RIDA: variants seen among roughly 807,000 people sequenced by gnomAD.
The protein encoded by RIDA is 2-iminobutanoate/2-iminopropanoate deaminase.
In RIDA, 17 loss-of-function variants were observed where a neutral mutation model predicts 17.8. The observed-to-expected ratio is 0.96, with a 90% CI of 0.65 to 1.43. The LOEUF (loss-of-function observed/expected upper bound fraction) is 1.43, where lower values mean the gene tolerates loss of function less well. RIDA is among the 40% of genes most tolerant of loss of function. The pLI is 0.00. For missense variants in RIDA, 158 were observed against 161.7 expected, an observed-to-expected ratio of 0.98 and a Z score of 0.12; for synonymous variants, 48 against 55.7, an observed-to-expected ratio of 0.86 and a Z score of 0.62.
At chr8:98,113,650 C>A (rs1815760695) in intron 1 of RIDA, 1 of 152,108 alleles carries the variant, frequency 6.6e-6, no homozygotes, top group Admixed American at 6.6e-5. Context: ...TCAAGTCAAC[C>A]AGGAACATTA....
In RIDA at chr8:98,102,712, A is replaced by C. The variant is rs1815575870; in HGVS notation, c.*130T>G. The C allele has an allele frequency of 1.6e-6, 1 of 641,330 alleles. No homozygotes were observed. 39.7% of individuals were successfully genotyped at this position (641,330 alleles called of 1,614,324 possible). A position where few individuals can be genotyped will look rare whatever the true frequency, so the allele number is the denominator to read the frequency against. On this transcript the variant is annotated 3_prime_UTR_variant, in exon 6 of 6. Coordinates refer to ENST00000254878, the MANE Select transcript of RIDA (RefSeq NM_005836.3). Reference sequence around the variant, plus strand: ...TCTCCCTATTACATGGTATTTCCATAATAGCTTCAGATATTTTCATCAAAC... The same window carrying C: ...TCTCCCTATTACATGGTATTTCCATCATAGCTTCAGATATTTTCATCAAAC...
At chr8:98,115,462 A>G (rs1260577920) in intron 1 of RIDA, among the ~76,000 whole-genome samples, 1 of 151,598 alleles carries the variant, frequency 6.6e-6, no homozygotes, top group Non-Finnish European at 1.5e-5. Context: ...AATGTTAGCA[A>G]TGATGACTCT....
intron 1 of RIDA, 77 bp downstream of exon 1, chr8:98,116,955 G>T: frequency 2.5e-6 from 3 of 1,181,640 alleles, no homozygotes; most frequent in Non-Finnish European, 3.7e-6. Context: ...CTGGGGCTCC[G>T]GCCCGGAGTG....
intron 5 of RIDA, among the ~76,000 whole-genome samples, chr8:98,103,896 C>T (rs1014101092): frequency 2.0e-5 from 3 of 152,030 alleles, no homozygotes; most frequent in East Asian, 1.9e-4. Flanking sequence ...CCTCGGCCTC[C>T]GAAAGCGCTG....
intron 5 of RIDA, among the ~76,000 whole-genome samples, chr8:98,104,021 G>A (rs1271372663): frequency 6.7e-6 from 1 of 150,062 alleles, no homozygotes; most frequent in African/African-American, 2.5e-5. Context: ...TTTCATGCAT[G>A]TAATATGGGA....
chr8:98,106,426 C>T (rs2242196), intron 2 of RIDA, 100 bp from the exon 3 acceptor site: 822,423 of 992,952 alleles, frequency 0.83, 341,929 homozygotes, highest in South Asian at 0.91. Flanking sequence ...CTTAAATAGC[C>T]TATGTTGCAG....
chr8:98,106,549 T>C (rs1815635169), intron 2 of RIDA: 2 of 488,236 alleles, frequency 4.1e-6, no homozygotes, highest in Non-Finnish European at 7.4e-6. Flanking sequence ...AAAGACTAGG[T>C]TGAAGTTCCT....
In RIDA at chr8:98,102,904, C is replaced by T; in HGVS notation, c.352G>A (p.Gly118Ser). The change falls in exon 6 of 6, where the codon GGC becomes AGC. Residue 118 changes from glycine (G) to serine (S), a missense_variant and splice_region_variant. Gly to Ser is a moderately conservative substitution (Grantham distance 56, BLOSUM62 0). Coordinates refer to ENST00000254878, the MANE Select transcript of RIDA (RefSeq NM_005836.3). Reference sequence around the variant, plus strand: ...ACTGCTTCAATTTCAATTCGGCTGCCCTGTGAGGAAAATGAAAGAATTTGT... The same window carrying T: ...ACTGCTTCAATTTCAATTCGGCTGCTCTGTGAGGAAAATGAAAGAATTTGT... ...AAYQVAALPK[G>S]SRIEIEAVAI... 6.2e-7 allele frequency: 1 copy of T among 1,611,838 alleles called. No individual in the cohort carries two copies. Among genetic ancestry groups the T allele is most frequent in the Non-Finnish European group, 8.5e-7 (1 of 1,178,468 alleles).
At chr8:98,103,459 A>C (rs1815587735) in intron 5 of RIDA, among the ~76,000 whole-genome samples, 1 of 152,224 alleles carries the variant, frequency 6.6e-6, no homozygotes, top group African/African-American at 2.4e-5. Flanking sequence ...CAAAATCAAA[A>C]TGGTGAGAAA....
intron 4 of RIDA, among the ~76,000 whole-genome samples, chr8:98,105,342 A>G (rs1324883359): frequency 1.3e-5 from 2 of 152,166 alleles, no homozygotes; most frequent in Non-Finnish European, 2.9e-5. Context: ...TTTCCAAGTT[A>G]TACCTTTGCC....
chr8:98,112,283 T>C (rs1815739781), intron 1 of RIDA, among the ~76,000 whole-genome samples: 1 of 152,112 alleles, frequency 6.6e-6, no homozygotes, highest in Non-Finnish European at 1.5e-5. Flanking sequence ...TGGTTGTATC[T>C]TCCTTATACT....
intron 2 of RIDA, among the ~76,000 whole-genome samples, chr8:98,108,256 A>G (rs927734233): frequency 2.0e-5 from 3 of 151,728 alleles, no homozygotes; most frequent in African/African-American, 7.3e-5. Flanking sequence ...TTAAAATTAT[A>G]TTCCCCATTC....
rs1360054813 is a variant in RIDA at position 98,102,768 on chromosome 8, G to C, written c.*74C>G. The C allele has an allele frequency of 1.0e-6, 1 of 994,054 alleles. No individual in the cohort carries two copies. 61.6% of individuals were successfully genotyped at this position (994,054 alleles called of 1,614,324 possible). On this transcript the variant is annotated 3_prime_UTR_variant, in exon 6 of 6. Coordinates refer to ENST00000254878, the MANE Select transcript of RIDA (RefSeq NM_005836.3). ...CTGTCATCAATTGTGAAAATTAAAA[G>C]GTTAATTAAGATGTTACATCAATTG...
intron 1 of RIDA, among the ~76,000 whole-genome samples, chr8:98,116,386 T>C (rs746997836): frequency 5.9e-5 from 9 of 152,226 alleles, no homozygotes; most frequent in Non-Finnish European, 1.3e-4. Flanking sequence ...GAGGGAGCTG[T>C]TGATGGGGCT....
chr8:98,103,917 C>T (rs1414440161), intron 5 of RIDA, among the ~76,000 whole-genome samples: 4 of 152,048 alleles, frequency 2.6e-5, no homozygotes, highest in Non-Finnish European at 4.4e-5. Flanking sequence ...GGATTACAGG[C>T]GTGAGCCACC....
chr8:98,106,756 G>A (rs1586214798), intron 2 of RIDA: 1 of 154,042 alleles, frequency 6.5e-6, no homozygotes, highest in Non-Finnish European at 1.4e-5. Flanking sequence ...TTATATAACA[G>A]TTGGAGACAC....
chr8:98,106,239 A>G (rs1477360933), intron 3 of RIDA, 33 bp downstream of exon 3: 1 of 1,598,022 alleles, frequency 6.3e-7, no homozygotes, highest in Non-Finnish European at 8.6e-7. Flanking sequence ...AGAAATATCA[A>G]AAAGAAATGT....
chr8:98,108,205 T>C lies in RIDA; in HGVS notation c.171+441A>G, dbSNP rs543370371. On this transcript the variant is annotated intron_variant, in intron 2 of 5. Coordinates refer to ENST00000254878, the MANE Select transcript of RIDA (RefSeq NM_005836.3). Reference sequence around the variant, plus strand: ...GCTAGGATTACAGGTGTGAGCCACATCGTGCCTGGCCTAAATTATGGTTTA... The same window carrying C: ...GCTAGGATTACAGGTGTGAGCCACACCGTGCCTGGCCTAAATTATGGTTTA... Among the ~76,000 whole-genome samples the C allele has an allele frequency of 7.4e-4, 112 of 152,320 alleles. 2 individuals are homozygous for C. The South Asian group carries it at 0.022, about 30-fold the overall frequency.
chr8:98,102,853 C>G lies in RIDA; in HGVS notation c.403G>C (p.Ala135Pro), dbSNP rs772831907. 1.2e-6 allele frequency: 2 copies of G among 1,612,024 alleles called. No individual in the cohort carries two copies. Reference sequence around the variant, plus strand: ...AGCACTGGGCCCACTTATAGTGATGCCGTTGTCAGTGGTCCTTGGATAGCT... The same window carrying G: ...AGCACTGGGCCCACTTATAGTGATGGCGTTGTCAGTGGTCCTTGGATAGCT... The part of the protein sequence containing the change: ...AVAIQGPLTT[A>P]SL The change falls in exon 6 of 6, where the codon GCA becomes CCA. Residue 135 changes from alanine (A) to proline (P), a missense_variant. Physicochemically the swap from Ala to Pro is conservative, Grantham distance 27 (BLOSUM62 -1). Coordinates refer to ENST00000254878, the MANE Select transcript of RIDA (RefSeq NM_005836.3).
Sources: gnomAD v4.1 joint callset for allele counts (sites outside exome capture counted in the v4.1 genomes callset) on GRCh38, gnomAD v4.1.1 for gene constraint, MANE v1.5 for transcripts, NCBI Gene and HGNC (gene_info 2026-07-23, HGNC 2026-07-21) for gene names.